Variants in RANBP2 observed in about 807,000 individuals in gnomAD.
RANBP2 encodes the protein RAN binding protein 2.
RANBP2 carries 57 observed loss-of-function variants against 303.6 expected under a neutral mutation model. The ratio of observed to expected loss-of-function variants is 0.19; its 90% CI spans 0.15 to 0.23. RANBP2 has a LOEUF of 0.23. Among genes scored for constraint, RANBP2 ranks in the 10% least tolerant of loss-of-function variants. The pLI, the probability that RANBP2 is intolerant of heterozygous loss-of-function variation, is 1.00. For synonymous variants in RANBP2, 1,167 were observed against 1,301.5 expected (o/e 0.90, Z 2.23); for missense variants, 3,138 against 3,780.8 (o/e 0.83, Z 4.46).
chr2:108,829,737 C>CT, the RANBP2 span, among the ~76,000 whole-genome samples: 4 of 152,140 alleles, frequency 2.6e-5, no homozygotes, highest in Non-Finnish European at 5.9e-5. Context: ...CAAATTGAGA[C>CT]TGTGTCAATA....
the RANBP2 span, among the ~76,000 whole-genome samples, chr2:109,413,624 T>C: frequency 2.0e-5 from 3 of 152,298 alleles, 1 homozygote; most frequent in South Asian, 6.2e-4. Flanking sequence ...CCTGGGGCTG[T>C]ATGAGAACGT....
the RANBP2 span, chr2:109,544,445 A>G: frequency 5.0e-6 from 7 of 1,407,392 alleles, no homozygotes; most frequent in Non-Finnish European, 6.4e-6. Context: ...AAGAAAAGAA[A>G]AAACCAAAAA....
the RANBP2 span, among the ~76,000 whole-genome samples, chr2:109,659,198 G>A: frequency 2.0e-5 from 3 of 152,068 alleles, no homozygotes; most frequent in Non-Finnish European, 2.9e-5. Context: ...CCAACACGGC[G>A]AAACCCCATC....
At chr2:109,737,316 C>T in the RANBP2 span, 1 of 677,286 alleles carries the variant, frequency 1.5e-6, no homozygotes, top group Admixed American at 2.5e-5. Context: ...TCACGGTGAT[C>T]TTGCTCTTGC....
chr2:109,379,393 A>G, the RANBP2 span, among the ~76,000 whole-genome samples: 1 of 152,214 alleles, frequency 6.6e-6, no homozygotes, highest in Non-Finnish European at 1.5e-5. Flanking sequence ...CCAAACGCCA[A>G]AGCCCGTCCC....
At chr2:108,951,878 AG>A in the RANBP2 span, among the ~76,000 whole-genome samples, 1 of 152,214 alleles carries the variant, frequency 6.6e-6, no homozygotes, top group Non-Finnish European at 1.5e-5. Flanking sequence ...GATCTTCCCA[AG>A]GTCTCTTGAG....
At chr2:109,016,583 C>A in the RANBP2 span, among the ~76,000 whole-genome samples, 1 of 152,216 alleles carries the variant, frequency 6.6e-6, no homozygotes. Context: ...CATGTTTCCA[C>A]ATGTGCTCGT....
At chr2:109,508,423 C>T in the RANBP2 span, among the ~76,000 whole-genome samples, 5 of 152,280 alleles carry the variant, frequency 3.3e-5, no homozygotes, top group Admixed American at 6.5e-5. Context: ...TCCCCAGGGC[C>T]GCTCCTCCAG....
chr2:109,301,914 G>A, the RANBP2 span, among the ~76,000 whole-genome samples: 2 of 152,146 alleles, frequency 1.3e-5, no homozygotes, highest in East Asian at 1.9e-4. Context: ...TCCCCGGTGC[G>A]GGACCGGGGT....
chr2:109,622,835 G>A, the RANBP2 span, among the ~76,000 whole-genome samples: 14 of 152,244 alleles, frequency 9.2e-5, no homozygotes, highest in East Asian at 2.7e-3. Flanking sequence ...AATTTTGATA[G>A]TTCATTTTGA....
chr2:109,724,174 T>C, the RANBP2 span, among the ~76,000 whole-genome samples: 1 of 152,376 alleles, frequency 6.6e-6, no homozygotes, highest in African/African-American at 2.4e-5. Flanking sequence ...ACTATAGCCT[T>C]GTAGTATAGT....
the RANBP2 span, among the ~76,000 whole-genome samples, chr2:109,280,437 C>T: frequency 2.0e-4 from 30 of 152,248 alleles, no homozygotes; most frequent in South Asian, 5.8e-3. Flanking sequence ...GTCTGGTGGA[C>T]GCTCAGCAAT....
the RANBP2 span, among the ~76,000 whole-genome samples, chr2:109,159,112 G>A: frequency 2.0e-5 from 3 of 148,530 alleles, no homozygotes; most frequent in South Asian, 4.5e-4. Context: ...GTGAGATTCG[G>A]TCTCAAAACA....
At chr2:109,401,835 T>A in the RANBP2 span, among the ~76,000 whole-genome samples, 1 of 152,210 alleles carries the variant, frequency 6.6e-6, no homozygotes, top group African/African-American at 2.4e-5. Context: ...TGATGTCTAT[T>A]GGGGCTGGAA....
chr2:109,487,703 C>T, the RANBP2 span, among the ~76,000 whole-genome samples: 1 of 152,182 alleles, frequency 6.6e-6, no homozygotes, highest in Non-Finnish European at 1.5e-5. Flanking sequence ...CCATACCCCA[C>T]GTCCAGGCCC....
At chr2:108,935,039 G>A in the RANBP2 span, among the ~76,000 whole-genome samples, 1 of 152,188 alleles carries the variant, frequency 6.6e-6, no homozygotes, top group African/African-American at 2.4e-5. Flanking sequence ...TCACCTGTTG[G>A]TTACCTAGTG....
At chr2:109,251,442 C>T in the RANBP2 span, 25 of 717,306 alleles carry the variant, frequency 3.5e-5, no homozygotes, top group African/African-American at 1.9e-4. Flanking sequence ...CTCACCCTCC[C>T]GAGTTGAAAA....
chr2:108,875,489 GTC>G, the RANBP2 span, among the ~76,000 whole-genome samples: 3 of 152,028 alleles, frequency 2.0e-5, no homozygotes, highest in African/African-American at 7.2e-5. Flanking sequence ...TCAAATGTTT[GTC>G]TGTTTTGCTA....
intron 7 of RANBP2, among the ~76,000 whole-genome samples, chr2:108,744,751 G>T (rs1329948287): frequency 6.6e-6 from 1 of 152,122 alleles, no homozygotes; most frequent in Non-Finnish European, 1.5e-5. Context: ...TATATACATG[G>T]TTTAAAATTC....
Sources: allele counts gnomAD v4.1 joint callset (sites outside exome capture counted in the v4.1 genomes callset), GRCh38; gene constraint gnomAD v4.1.1; transcripts MANE v1.5; gene names NCBI Gene and HGNC (gene_info 2026-07-23, HGNC 2026-07-21).